Variants in KNTC1 observed in about 807,000 individuals in gnomAD.
The protein encoded by KNTC1 is kinetochore associated 1, also known as kinetochore-associated protein 1.
In KNTC1, 253 loss-of-function variants were observed where a neutral mutation model predicts 314.4. The ratio of observed to expected loss-of-function variants is 0.80; its 90% CI spans 0.73 to 0.89. The LOEUF is 0.89. Ranked by LOEUF, KNTC1 falls within the 40% of genes least tolerant of loss-of-function variation. KNTC1 has a pLI of 0.00. For missense variants in KNTC1, 2,475 were observed against 2,572.9 expected, an observed-to-expected ratio of 0.96 and a Z score of 0.82; for synonymous variants, 901 against 901.4, an observed-to-expected ratio of 1.00 and a Z score of 0.01.
intron 36 of KNTC1, among the ~76,000 whole-genome samples, chr12:122,585,229 A>G (rs770515219): frequency 1.3e-5 from 2 of 151,964 alleles, no homozygotes; most frequent in Non-Finnish European, 2.9e-5. Flanking sequence ...TTTTGCAGAG[A>G]CAGGGTCTCA....
At chr12:122,624,571 C>T in intron 62 of KNTC1, 27 bp from the exon 63 acceptor site, 1 of 1,562,860 alleles carries the variant, frequency 6.4e-7, no homozygotes, top group Admixed American at 1.7e-5. Flanking sequence ...CTTGGCCTAA[C>T]ACTTCTTTTT....
chr12:122,620,271 C>A (rs371375600), intron 59 of KNTC1: 1 of 357,818 alleles, frequency 2.8e-6, no homozygotes, highest in Non-Finnish European at 5.0e-6. Flanking sequence ...AACAGTAGTC[C>A]GTGTTCCCAT....
At chr12:122,618,418 T>C (rs1165317278) in intron 58 of KNTC1, 21 bp downstream of exon 58, 3 of 1,613,612 alleles carry the variant, frequency 1.9e-6, no homozygotes, top group Non-Finnish European at 1.7e-6. Flanking sequence ...CTCTGAAACA[T>C]TGGCTACAGC....
chr12:122,557,459 G>A lies in KNTC1; in HGVS notation c.1348G>A (p.Glu450Lys), dbSNP rs748970408. 1.7e-5 allele frequency: 27 copies of A among 1,613,548 alleles called. No individual in the cohort carries two copies. In the Admixed American group the frequency reaches 2.5e-4, roughly 15 times the overall value. Residue 450 changes from glutamate (E) to lysine (K), a missense_variant, in exon 17 of 64, where the codon GAA (glutamate) becomes AAA (lysine). Physicochemically the swap from Glu to Lys is moderately conservative, Grantham distance 56. Transcript: ENST00000333479. ...TTCTGTGGATGCCAGTGAACAGACCGAATGGCAACAACTTGTAGACGACGC... is the reference window on the plus strand; with the variant it reads ...TTCTGTGGATGCCAGTGAACAGACCAAATGGCAACAACTTGTAGACGACGC... ...LSSVDASEQT[E>K]WQQLVDDAKE... is the part of the protein sequence containing the mutation.
At chr12:122,592,370 G>A (rs1382700602) in intron 42 of KNTC1, among the ~76,000 whole-genome samples, 1 of 152,224 alleles carries the variant, frequency 6.6e-6, no homozygotes, top group Non-Finnish European at 1.5e-5. Flanking sequence ...GCTCCACGGC[G>A]CCCAGTCCCA....
rs1237983173 is a variant in KNTC1, at chr12:122,575,974, T to C, written c.2586+75T>C. On this transcript the variant is annotated intron_variant, in intron 29 of 63. Transcript: ENST00000333479. ...TATGGAAAGCTTAATGAGGAATTTA[T>C]ATTCTAGGAGGCTAATAGAGCTAGG... 4.7e-6 allele frequency: 7 copies of C among 1,484,018 alleles called. No homozygotes were observed. In the South Asian group the frequency reaches 7.0e-5, roughly 15 times the overall value. 91.9% of individuals were successfully genotyped at this position (1,484,018 alleles called of 1,614,324 possible).
At chr12:122,586,105 C>A (rs867385021) in intron 37 of KNTC1, among the ~76,000 whole-genome samples, 3 of 151,926 alleles carry the variant, frequency 2.0e-5, no homozygotes, top group Non-Finnish European at 4.4e-5. Context: ...GTTTTTGAGA[C>A]GGAGTCCTGC....
At chr12:122,605,113 G>A in intron 50 of KNTC1, 26 bp downstream of exon 50, 1 of 1,569,046 alleles carries the variant, frequency 6.4e-7, no homozygotes, top group Admixed American at 1.8e-5. Context: ...TTTTTTTGTT[G>A]TCCAAGAAAA....
intron 19 of KNTC1, among the ~76,000 whole-genome samples, chr12:122,562,369 GTT>G (rs1964027197): frequency 6.6e-6 from 1 of 151,826 alleles, no homozygotes; most frequent in South Asian, 2.1e-4. Flanking sequence ...ATTTTAAAGA[GTT>G]CCTACAATTA....
chr12:122,609,405 C>T lies in KNTC1; in HGVS notation c.5518C>T (p.Leu1840Phe). 1.3e-6 allele frequency: 2 copies of T among 1,586,132 alleles called. No homozygotes were observed. Among genetic ancestry groups the T allele is most frequent in the East Asian group, 2.2e-5 (1 of 44,504 alleles). The change falls in exon 52 of 64, where the codon CTT (leucine) becomes TTT (phenylalanine). Residue 1840 changes from leucine (L) to phenylalanine (F), a missense_variant. Coordinates refer to ENST00000333479, the MANE Select transcript of KNTC1 (RefSeq NM_014708.6). ...AAAGAAACCATCAGAATTATTTGAACTTCAAGAAGATGAAGCCCTACGAAG... is the reference window on the plus strand; with the variant it reads ...AAAGAAACCATCAGAATTATTTGAATTTCAAGAAGATGAAGCCCTACGAAG... ...PGEKPSELFELQEDEALRRVQ... is the reference protein window; with the variant it reads ...PGEKPSELFEFQEDEALRRVQ...
In KNTC1 at chr12:122,543,585, T is replaced by G; in HGVS notation, c.524-15T>G. 1 of 1,541,450 alleles carries G rather than the reference T, an allele frequency of 6.5e-7. No homozygotes were observed. Among genetic ancestry groups the G allele is most frequent in the Non-Finnish European group, 8.8e-7 (1 of 1,136,272 alleles). On this transcript the variant is annotated splice_polypyrimidine_tract_variant and intron_variant, in intron 6 of 63. Coordinates refer to ENST00000333479, the MANE Select transcript of KNTC1 (RefSeq NM_014708.6). ...TTAATACTATACATTTAGCCTGCTT[T>G]CTTTTTTAATGCAGCAATTGAGAAT...
At chr12:122,536,688 T>G (rs1961867188) in intron 3 of KNTC1, among the ~76,000 whole-genome samples, 2 of 151,914 alleles carry the variant, frequency 1.3e-5, no homozygotes, top group South Asian at 4.2e-4. Flanking sequence ...CCTGGTAATT[T>G]TTGTATTTTT....
chr12:122,622,599 T>C lies in KNTC1; in HGVS notation c.6507T>C (p.Asn2169=). 6.6e-7 allele frequency: 1 copy of C among 1,520,168 alleles called. No homozygotes were observed. Among genetic ancestry groups the C allele is most frequent in the East Asian group, 2.4e-5 (1 of 41,304 alleles). The allele number at this position is 1,520,168 out of a possible 1,614,324, so 94.2% of individuals were successfully genotyped here. A position where few individuals can be genotyped will look rare whatever the true frequency, so the allele number is the denominator to read the frequency against. ...NITELVNYLA[N]DLSLDEASVL... is the part of the protein sequence containing the mutation. ...CTGAGCTAGTGAACTATTTGGCAAATGACTTAAGGTAAGTTAATTAAAAAA... is the reference window on the plus strand; with the variant it reads ...CTGAGCTAGTGAACTATTTGGCAAACGACTTAAGGTAAGTTAATTAAAAAA... The change falls in exon 62 of 64, where the codon AAT becomes AAC. Residue 2169 remains asparagine, a synonymous_variant. Transcript: ENST00000333479.
chr12:122,584,510 C>G, intron 35 of KNTC1, 60 bp downstream of exon 35: 1 of 1,293,140 alleles, frequency 7.7e-7, no homozygotes, highest in Non-Finnish European at 1.1e-6. Context: ...TACTTGTCTC[C>G]CAAATGCTGT....
chr12:122,571,519 C>T lies in KNTC1; in HGVS notation c.2019+393C>T, dbSNP rs932796309. ...GACTACAGGTGCGCATCACCAGGCC[C>T]GACTGATTTTTGTATTTTTTGTAAA... On this transcript the variant is annotated intron_variant, in intron 24 of 63. Coordinates refer to ENST00000333479, the MANE Select transcript of KNTC1 (RefSeq NM_014708.6). 4.6e-5 allele frequency among the ~76,000 whole-genome samples: 7 copies of T among 151,582 alleles called. No homozygotes were observed. The South Asian group carries it at 8.4e-4, about 18-fold the overall frequency.
intron 51 of KNTC1, among the ~76,000 whole-genome samples, chr12:122,609,024 A>G (rs549333443): frequency 1.3e-5 from 2 of 152,230 alleles, no homozygotes; most frequent in African/African-American, 2.4e-5. Context: ...GTGCCACTGT[A>G]CTCCAGCCTG....
At chr12:122,602,983 T>C (rs1386987509) in intron 47 of KNTC1, 44 bp from the exon 48 acceptor site, 7 of 1,570,874 alleles carry the variant, frequency 4.5e-6, no homozygotes, top group African/African-American at 1.4e-5. Flanking sequence ...TAAAACCTTA[T>C]ATGTGAATAT....
In KNTC1 at chr12:122,542,109, C is replaced by G. The variant is rs760982854; in HGVS notation, c.505C>G (p.Leu169Val). 6.6e-7 allele frequency: 1 copy of G among 1,516,448 alleles called. No individual in the cohort carries two copies. The highest frequency in any genetic ancestry group is 1.2e-5 in the South Asian group (1 of 84,234). The allele number at this position is 1,516,448 out of a possible 1,614,324, so 93.9% of individuals were successfully genotyped here. ...ATTTTTTTGTATTACAAACCTTCAG[C>G]TTTTAAAAATTCAACAAGGTAAGTA... ...SGFFCITNLQLLKIQQAIENV... is the reference protein window; with the variant it reads ...SGFFCITNLQVLKIQQAIENV... The change falls in exon 6 of 64, where the codon CTT becomes GTT. Residue 169 changes from leucine to valine, a missense_variant. Coordinates refer to ENST00000333479, the MANE Select transcript of KNTC1 (RefSeq NM_014708.6).
chr12:122,600,560 T>G (rs1871727347), intron 44 of KNTC1, among the ~76,000 whole-genome samples: 1 of 152,218 alleles, frequency 6.6e-6, no homozygotes, highest in Non-Finnish European at 1.5e-5. Context: ...TTCTTTCTGT[T>G]CCAATTTTCC....
Sources: allele counts gnomAD v4.1 joint callset (sites outside exome capture counted in the v4.1 genomes callset), GRCh38; gene constraint gnomAD v4.1.1; transcripts MANE v1.5; gene names NCBI Gene and HGNC (gene_info 2026-07-23, HGNC 2026-07-21).